Variants in GFOD2 observed in about 807,000 individuals in gnomAD.
The protein encoded by GFOD2 is glucose-fructose oxidoreductase domain-containing protein 2.
A neutral mutation model predicts 24.6 loss-of-function variants in GFOD2; 9 were observed. That is an observed-to-expected ratio of 0.37 (90% CI 0.22 to 0.64). The LOEUF (loss-of-function observed/expected upper bound fraction) is 0.64. GFOD2 is among the 30% of genes least tolerant of loss of function. GFOD2 has a pLI of 0.65. For missense variants in GFOD2, 476 were observed against 532.5 expected (o/e 0.89, Z 1.04); for synonymous variants, 211 against 224.8 (o/e 0.94, Z 0.55).
chr16:67,707,357 C>CA lies in GFOD2; in HGVS notation c.-88+11805dup, dbSNP rs1220107900. On this transcript the variant is annotated intron_variant, in intron 1 of 2. Coordinates refer to ENST00000268797, the MANE Select transcript of GFOD2 (RefSeq NM_030819.4). Reference sequence around the variant, plus strand: ...TGGGCCACAGAGTGAAACTCCATTTCAAAAAAAAAAAAAAAAGACTTACAA... The same window carrying CA: ...TGGGCCACAGAGTGAAACTCCATTTCAAAAAAAAAAAAAAAAAGACTTACAA... Among the ~76,000 whole-genome samples the CA allele has an allele frequency of 4.2e-3, 341 of 80,360 alleles. 1 individual carries two copies. The highest frequency in any genetic ancestry group is 4.8e-3 in the Non-Finnish European group (186 of 38,728). 52.7% of individuals were successfully genotyped at this position (80,360 alleles called of 152,430 possible).
intron 1 of GFOD2, among the ~76,000 whole-genome samples, chr16:67,709,060 T>TAA (rs1284535255): frequency 6.6e-6 from 1 of 152,088 alleles, no homozygotes; most frequent in Non-Finnish European, 1.5e-5. Flanking sequence ...CCCAGGACTT[T>TAA]GGGAGGCCGA....
intron 1 of GFOD2, among the ~76,000 whole-genome samples, chr16:67,702,347 G>A (rs954925732): frequency 4.4e-4 from 67 of 151,916 alleles, no homozygotes; most frequent in African/African-American, 1.5e-3. Flanking sequence ...CAGGGTGTGC[G>A]CCTGTAATCC....
intron 2 of GFOD2, among the ~76,000 whole-genome samples, chr16:67,679,878 C>G (rs185490712): frequency 6.7e-6 from 1 of 150,232 alleles, no homozygotes; most frequent in Admixed American, 6.6e-5. Context: ...CAGAGCGAGA[C>G]TTCGTCTCAA....
intron 1 of GFOD2, among the ~76,000 whole-genome samples, chr16:67,690,819 C>T (rs1342521992): frequency 6.6e-6 from 1 of 152,166 alleles, no homozygotes; most frequent in Non-Finnish European, 1.5e-5. Context: ...CATCATTTTA[C>T]CAATAATTTT....
At position 67,675,468 on chromosome 16, in the gene GFOD2, C is replaced by T. The variant is rs1404526729; in HGVS notation, c.845G>A (p.Arg282Lys). The T allele has an allele frequency of 6.2e-7, 1 of 1,612,230 alleles. No homozygotes were observed. The highest frequency in any genetic ancestry group is 8.5e-7 in the Non-Finnish European group (1 of 1,180,032). ...NSATQEELLL[R>K]DSLAVGAGLP... Reference sequence around the variant, plus strand: ...TCCTGCGCCCACTGCCAGCGAGTCCCTCAAGAGCAGCTCCTCTTGCGTGGC... The same window carrying T: ...TCCTGCGCCCACTGCCAGCGAGTCCTTCAAGAGCAGCTCCTCTTGCGTGGC... Residue 282 changes from arginine to lysine, a missense_variant, in exon 3 of 3, where the codon AGG (arginine) becomes AAG (lysine). By Grantham distance (26) the Arg-to-Lys change is conservative. Coordinates refer to ENST00000268797, the MANE Select transcript of GFOD2 (RefSeq NM_030819.4).
At chr16:67,703,078 T>C (rs1222098765) in intron 1 of GFOD2, among the ~76,000 whole-genome samples, 1 of 152,170 alleles carries the variant, frequency 6.6e-6, no homozygotes, top group African/African-American at 2.4e-5. Context: ...CAAGTCTTTA[T>C]AACGTTGGGG....
At chr16:67,680,771 T>C (rs1169495454) in intron 2 of GFOD2, 1 of 955,396 alleles carries the variant, frequency 1.0e-6, no homozygotes, top group East Asian at 1.2e-4. Context: ...TAATACATAT[T>C]TTGTTATTAT....
Position 67,703,674 on chromosome 16 carries a change from A to G in GFOD2, c.-88+15489T>C, listed in dbSNP as rs564303088. 1.7e-4 allele frequency among the ~76,000 whole-genome samples: 26 copies of G among 152,254 alleles called. No individual in the cohort carries two copies. In the South Asian group the frequency reaches 5.2e-3, roughly 30 times the overall value. ...AAAAGATGAATCAGATGTTACCTGT[A>G]CCCTCAAAGAACTCCACAGATCAGA... is the stretch of plus-strand genomic sequence containing the variant. On this transcript the variant is annotated intron_variant, in intron 1 of 2. Transcript: ENST00000268797.
intron 1 of GFOD2, among the ~76,000 whole-genome samples, chr16:67,705,550 G>A (rs924928136): frequency 3.9e-5 from 6 of 152,124 alleles, no homozygotes; most frequent in African/African-American, 1.4e-4. Flanking sequence ...TTCTGGGATT[G>A]TGTCTCCCCG....
intron 2 of GFOD2, chr16:67,680,879 A>G (rs757621483): frequency 1.0e-6 from 1 of 985,430 alleles, no homozygotes; most frequent in Non-Finnish European, 1.2e-6. Context: ...ATGACACTTC[A>G]ATCTCCTGCT....
At chr16:67,678,336 C>T (rs2053198195) in intron 2 of GFOD2, among the ~76,000 whole-genome samples, 1 of 152,172 alleles carries the variant, frequency 6.6e-6, no homozygotes, top group East Asian at 1.9e-4. Context: ...ATTCGCTGGG[C>T]GTGGTGGCAC....
Position 67,675,638 on chromosome 16 carries a change from G to T in GFOD2, c.675C>A (p.Phe225Leu). Residue 225 changes from phenylalanine to leucine, a missense_variant, in exon 3 of 3, where the codon TTC (phenylalanine) becomes TTA (leucine). Transcript: ENST00000268797. ...RHVTSDDFCF[F>L]QMLMGGGVCS... is the part of the protein sequence containing the mutation. ...ACACACCCCCACCCATGAGCATCTG[G>T]AAGAAACAGAAGTCATCGCTAGTGA... 1 of 1,613,214 alleles carries T rather than the reference G, an allele frequency of 6.2e-7. No homozygotes were observed. The highest frequency in any genetic ancestry group is 8.5e-7 in the Non-Finnish European group (1 of 1,180,044).
At chr16:67,706,642 G>C (rs531893339) in intron 1 of GFOD2, among the ~76,000 whole-genome samples, 1 of 151,862 alleles carries the variant, frequency 6.6e-6, no homozygotes, top group South Asian at 2.1e-4. Context: ...GAAATCATGG[G>C]GTAAGGATTT....
At chr16:67,681,554 G>T in intron 2 of GFOD2, 2 of 487,534 alleles carry the variant, frequency 4.1e-6, no homozygotes, top group Non-Finnish European at 5.3e-6. Context: ...GACCACAGGT[G>T]CACGCCACTG....
rs1369424294 is a variant in GFOD2, at chr16:67,683,150, C to T, written c.259+2307G>A. 3.4e-5 allele frequency: 32 copies of T among 933,568 alleles called. No homozygotes were observed. The East Asian group carries it at 9.0e-4, about 26-fold the overall frequency. The allele number at this position is 933,568 out of a possible 1,614,324, so 57.8% of individuals were successfully genotyped here. On this transcript the variant is annotated intron_variant, in intron 2 of 2. Coordinates refer to ENST00000268797, the MANE Select transcript of GFOD2 (RefSeq NM_030819.4). Reference sequence around the variant, plus strand: ...TAATTTTTAAACTTTTTTGTAGAGACGGGATCCCACTATGTTGCCCAGCTG... The same window carrying T: ...TAATTTTTAAACTTTTTTGTAGAGATGGGATCCCACTATGTTGCCCAGCTG...
chr16:67,714,887 T>A (rs191636800), intron 1 of GFOD2, among the ~76,000 whole-genome samples: 1 of 152,146 alleles, frequency 6.6e-6, no homozygotes, highest in Admixed American at 6.5e-5. Flanking sequence ...AAAGAGTATA[T>A]ACATTTTATC....
Position 67,676,002 on chromosome 16 carries a change from A to G in GFOD2, c.311T>C (p.Phe104Ser). Residue 104 changes from phenylalanine to serine, a missense_variant, in exon 3 of 3, where the codon TTC becomes TCC. By Grantham distance (155) the Phe-to-Ser change is radical. Coordinates refer to ENST00000268797, the MANE Select transcript of GFOD2 (RefSeq NM_030819.4). The part of the protein sequence containing the change: ...CEKAATSVDA[F>S]RMVTASRYYP... ...GTAGCGCGAGGCTGTCACCATCCGG[A>G]AGGCATCCACCGATGTTGCTGCCTT... is the stretch of plus-strand genomic sequence containing the variant. 6.2e-7 allele frequency: 1 copy of G among 1,614,086 alleles called. No individual in the cohort carries two copies. The highest frequency in any genetic ancestry group is 8.5e-7 in the Non-Finnish European group (1 of 1,179,984).
chr16:67,676,246 C>G, intron 2 of GFOD2, 193 bp from the exon 3 acceptor site: 1 of 611,780 alleles, frequency 1.6e-6, no homozygotes, highest in Non-Finnish European at 2.8e-6. Flanking sequence ...GATCCTCCAT[C>G]TTGGCCTCCT....
intron 1 of GFOD2, among the ~76,000 whole-genome samples, chr16:67,710,772 T>G (rs1226890933): frequency 6.6e-6 from 1 of 152,138 alleles, no homozygotes; most frequent in Non-Finnish European, 1.5e-5. Context: ...ACACTGACAT[T>G]GTGAGTCATT....
Sources: allele counts gnomAD v4.1 joint callset (sites outside exome capture counted in the v4.1 genomes callset), GRCh38; gene constraint gnomAD v4.1.1; transcripts MANE v1.5; gene names NCBI Gene and HGNC (gene_info 2026-07-23, HGNC 2026-07-21).